The following PPARGC1B variants were observed in gnomAD, a reference collection of about 807,000 sequenced individuals.
The protein encoded by PPARGC1B is peroxisome proliferator-activated receptor gamma coactivator 1-beta.
In PPARGC1B, 34 loss-of-function variants were observed where a neutral mutation model predicts 101.6. The ratio of observed to expected loss-of-function variants is 0.33; its 90% CI spans 0.25 to 0.45. The LOEUF is 0.45. PPARGC1B is among the 20% of genes least tolerant of loss of function. The pLI, the probability that PPARGC1B is intolerant of heterozygous loss-of-function variation, is 1.00. For synonymous variants in PPARGC1B, 548 were observed against 539.3 expected (o/e 1.02, Z -0.22); for missense variants, 1,234 against 1,317.6 (o/e 0.94, Z 0.98).
rs564905775 is a variant in PPARGC1B, at chr5:149,760,700, C to A, written c.78+30280C>A. On this transcript the variant is annotated intron_variant, in intron 1 of 11. Transcript: ENST00000309241. ...ATTGTCCTAGTAATGATCTCATGCACCTGCTGCACAAATAAGAAAGGAATT... is the reference window on the plus strand; with the variant it reads ...ATTGTCCTAGTAATGATCTCATGCAACTGCTGCACAAATAAGAAAGGAATT... Among the ~76,000 whole-genome samples the A allele has an allele frequency of 2.0e-5, 3 of 152,268 alleles. No individual in the cohort carries two copies. In the East Asian group the frequency reaches 5.8e-4, roughly 29 times the overall value.
intron 10 of PPARGC1B, among the ~76,000 whole-genome samples, chr5:149,844,733 T>G: frequency 6.6e-6 from 1 of 152,258 alleles, no homozygotes; most frequent in East Asian, 1.9e-4. Context: ...AAATGTTTAT[T>G]AGGCACCCAC....
rs1444424116 is a variant in PPARGC1B, at chr5:149,826,775, G to A, written c.355G>A (p.Gly119Arg). ...GLAAFPALDG[G>R]DALSCTSASP... ...GGCTGCCTTCCCAGCCCTGGATGGTGGAGACGCTCTATCATGCACCTCAGC... is the reference window on the plus strand; with the variant it reads ...GGCTGCCTTCCCAGCCCTGGATGGTAGAGACGCTCTATCATGCACCTCAGC... Residue 119 changes from glycine to arginine, a missense_variant, in exon 3 of 12, where the codon GGA (glycine) becomes AGA (arginine). This residue lies in a region of PPARGC1B where 734 missense variants were observed against 768.4 expected (regional missense o/e 0.96). Coordinates refer to ENST00000309241, the MANE Select transcript of PPARGC1B (RefSeq NM_133263.4). 4.3e-6 allele frequency: 7 copies of A among 1,613,960 alleles called. No homozygotes were observed. Among genetic ancestry groups the A allele is most frequent in the Non-Finnish European group, 5.9e-6 (7 of 1,179,872 alleles).
intron 1 of PPARGC1B, among the ~76,000 whole-genome samples, chr5:149,764,647 G>T (rs1198522498): frequency 6.6e-6 from 1 of 152,206 alleles, no homozygotes; most frequent in South Asian, 2.1e-4. Flanking sequence ...GTCTTTTGGG[G>T]TGGCAAGTGA....
At chr5:149,813,170 C>T (rs1757927329) in intron 1 of PPARGC1B, among the ~76,000 whole-genome samples, 1 of 152,176 alleles carries the variant, frequency 6.6e-6, no homozygotes, top group South Asian at 2.1e-4. Context: ...AAAGAGGGAA[C>T]AGTGAGCCCA....
chr5:149,772,157 G>A (rs527309561), intron 1 of PPARGC1B: 184 of 1,607,692 alleles, frequency 1.1e-4, no homozygotes, highest in Non-Finnish European at 1.5e-4. Context: ...TTGGGCCAGA[G>A]GTTGTTTAGG....
chr5:149,757,018 T>G (rs1305125569), intron 1 of PPARGC1B, among the ~76,000 whole-genome samples: 1 of 152,202 alleles, frequency 6.6e-6, no homozygotes, highest in Non-Finnish European at 1.5e-5. Context: ...AGCATCATCC[T>G]TCAGGAGCTC....
chr5:149,810,587 T>C (rs1161179115), intron 1 of PPARGC1B, among the ~76,000 whole-genome samples: 2 of 152,248 alleles, frequency 1.3e-5, no homozygotes, highest in African/African-American at 2.4e-5. Flanking sequence ...GGTAAGGAGA[T>C]GACTGTAAGA....
intron 10 of PPARGC1B, 32 bp from the exon 11 acceptor site, chr5:149,845,728 A>G (rs1382652949): frequency 6.4e-6 from 10 of 1,569,718 alleles, no homozygotes; most frequent in Admixed American, 3.6e-5. Flanking sequence ...CAGCCAGCCC[A>G]ATAACATACT....
chr5:149,756,511 A>G (rs933427862), intron 1 of PPARGC1B, among the ~76,000 whole-genome samples: 4 of 152,164 alleles, frequency 2.6e-5, no homozygotes, highest in African/African-American at 7.2e-5. Flanking sequence ...AATTCATACT[A>G]AAGTGCCTGT....
chr5:149,802,861 G>A (rs759098374), intron 1 of PPARGC1B, among the ~76,000 whole-genome samples: 2 of 152,148 alleles, frequency 1.3e-5, no homozygotes, highest in African/African-American at 2.4e-5. Context: ...AAGGGCTGCG[G>A]TATTTAATAA....
intron 1 of PPARGC1B, among the ~76,000 whole-genome samples, chr5:149,805,317 A>G (rs951544037): frequency 8.5e-5 from 13 of 152,228 alleles, no homozygotes; most frequent in African/African-American, 2.9e-4. Context: ...TAAATAGCCT[A>G]CAAAGTAGTG....
At position 149,842,335 on chromosome 5, in the gene PPARGC1B, T is replaced by C. The variant is rs544294040; in HGVS notation, c.2774T>C (p.Phe925Ser). 1.3e-5 allele frequency: 21 copies of C among 1,613,930 alleles called. No homozygotes were observed. The highest frequency in any genetic ancestry group is 1.7e-5 in the Non-Finnish European group (20 of 1,179,956). ...GAGCTGAAGAGGCGCTTTGAAGTGT[T>C]TGGTGAGATTGAGGAGTGCGAGGTG... is the stretch of plus-strand genomic sequence containing the variant. ...SRELKRRFEVFGEIEECEVLT... is the reference protein window; with the variant it reads ...SRELKRRFEVSGEIEECEVLT... Residue 925 changes from phenylalanine to serine, a missense_variant, in exon 10 of 12, where the codon TTT becomes TCT. Coordinates refer to ENST00000309241, the MANE Select transcript of PPARGC1B (RefSeq NM_133263.4).
intron 1 of PPARGC1B, among the ~76,000 whole-genome samples, chr5:149,742,016 A>T (rs1419520567): frequency 6.6e-6 from 1 of 151,710 alleles, no homozygotes; most frequent in Non-Finnish European, 1.5e-5. Context: ...AAGGATGGTG[A>T]TGATGATGAT....
rs1465423768 is a variant in PPARGC1B, at chr5:149,833,886, G to A, written c.1705+108G>A. 7.1e-7 allele frequency: 1 copy of A among 1,407,710 alleles called. No individual in the cohort carries two copies. The highest frequency in any genetic ancestry group is 9.2e-7 in the Non-Finnish European group (1 of 1,084,572). 87.2% of individuals were successfully genotyped at this position (1,407,710 alleles called of 1,614,324 possible). A position where few individuals can be genotyped will look rare whatever the true frequency, so the allele number is the denominator to read the frequency against. ...GTTCAAGTCCCCGTCCCCCAACAAA[G>A]TGTTATATGGGTTTGGACAAGTCCC... On this transcript the variant is annotated intron_variant, in intron 5 of 11. Transcript: ENST00000309241. This position sits in a 1 kb window ranked among gnomAD's most constrained non-coding sequence, Gnocchi z 4.1.
rs1435865250 is a variant in PPARGC1B, at chr5:149,854,076, A to G, written c.*6518A>G. 6.6e-6 allele frequency: 1 copy of G among 152,162 alleles called. No individual in the cohort carries two copies. Among genetic ancestry groups the G allele is most frequent in the African/African-American group, 2.4e-5 (1 of 41,442 alleles). The allele number at this position is 152,162 out of a possible 1,614,324, so 9.4% of individuals were successfully genotyped here. A position where few individuals can be genotyped will look rare whatever the true frequency, so the allele number is the denominator to read the frequency against. ...TAATCAACTGGGCAAGGTGGTCCCT[A>G]TGGTCCTTTCCAGCATTTCCAAATC... is the stretch of plus-strand genomic sequence containing the variant. On this transcript the variant is annotated 3_prime_UTR_variant, in exon 12 of 12. Coordinates refer to ENST00000309241, the MANE Select transcript of PPARGC1B (RefSeq NM_133263.4).
In PPARGC1B at chr5:149,847,743, G is replaced by T; in HGVS notation, c.*185G>T. 5.2e-6 allele frequency: 3 copies of T among 575,038 alleles called. No individual in the cohort carries two copies. The South Asian group carries it at 6.8e-5, about 13-fold the overall frequency. 35.6% of individuals were successfully genotyped at this position (575,038 alleles called of 1,614,324 possible). ...ATCAATGTTTACATTGAACAAAGCTGCTTCTGTCTGTGAGTTTCCATGGTG... is the reference window on the plus strand; with the variant it reads ...ATCAATGTTTACATTGAACAAAGCTTCTTCTGTCTGTGAGTTTCCATGGTG... On this transcript the variant is annotated 3_prime_UTR_variant, in exon 12 of 12. Coordinates refer to ENST00000309241, the MANE Select transcript of PPARGC1B (RefSeq NM_133263.4).
chr5:149,791,204 G>T (rs1289247328), intron 1 of PPARGC1B, among the ~76,000 whole-genome samples: 1 of 124,896 alleles, frequency 8.0e-6, no homozygotes, highest in Non-Finnish European at 1.6e-5. Flanking sequence ...ATTGTCTGGG[G>T]CGGGGGGCGG....
chr5:149,846,661 T>C (rs569470259), intron 11 of PPARGC1B: 29 of 152,422 alleles, frequency 1.9e-4, no homozygotes, highest in African/African-American at 6.1e-4. Flanking sequence ...AAAAAACACT[T>C]ACTGGAGAGA....
At chr5:149,785,581 T>C (rs1448345219) in intron 1 of PPARGC1B, among the ~76,000 whole-genome samples, 2 of 152,230 alleles carry the variant, frequency 1.3e-5, no homozygotes, top group Non-Finnish European at 2.9e-5. Context: ...GCCAGGTAAT[T>C]ATAGAGAGCC....
Sources: allele counts gnomAD v4.1 joint callset (sites outside exome capture counted in the v4.1 genomes callset), GRCh38; gene constraint gnomAD v4.1.1; regional missense constraint gnomAD v4.1.1; non-coding constraint Gnocchi (gnomAD v3.1); transcripts MANE v1.5; gene names NCBI Gene and HGNC (gene_info 2026-07-23, HGNC 2026-07-21).